Variants in PZP observed in about 807,000 individuals in gnomAD.
PZP encodes the protein pregnancy zone protein.
Under a neutral mutation model 179.8 loss-of-function variants are expected in PZP, and 150 were observed. That is an observed-to-expected ratio of 0.83 (90% CI 0.73 to 0.96). PZP has a LOEUF of 0.96. Ranked by LOEUF, PZP falls within the 40% of genes least tolerant of loss-of-function variation. The pLI is 0.00. For synonymous variants in PZP, 624 were observed against 652.3 expected (o/e 0.96, Z 0.66); for missense variants, 1,689 against 1,764.0 (o/e 0.96, Z 0.76).
chr12:9,166,351 G>A (rs1406866357), intron 17 of PZP, 149 bp from the exon 18 acceptor site: 3 of 715,724 alleles, frequency 4.2e-6, no homozygotes, highest in African/African-American at 3.7e-5. Flanking sequence ...GAAATACTTT[G>A]TGATCCCTCA....
At chr12:9,199,143 A>T (rs1479038279) in intron 7 of PZP, among the ~76,000 whole-genome samples, 2 of 152,080 alleles carry the variant, frequency 1.3e-5, no homozygotes, top group Non-Finnish European at 2.9e-5. Context: ...GTAAGTTCTG[A>T]TAGGGGAGGC....
rs150093837 is a variant in PZP at position 9,187,693 on chromosome 12, G to A, written c.1546+4500C>T. ...ACACAGCTAAGGCGGTGTTAAGAGG[G>A]AAACTTATAGCACTAAACATCCACA... is the stretch of plus-strand genomic sequence containing the variant. On this transcript the variant is annotated intron_variant, in intron 13 of 35. Coordinates refer to ENST00000261336, the MANE Select transcript of PZP (RefSeq NM_002864.3). Among the ~76,000 whole-genome samples, 465 of 152,306 alleles carry A rather than the reference G, an allele frequency of 3.1e-3. 3 individuals carry two copies. Among genetic ancestry groups the A allele is most frequent in the African/African-American group, 0.011 (446 of 41,550 alleles).
chr12:9,204,768 T>A (rs919470467), intron 1 of PZP, among the ~76,000 whole-genome samples: 1 of 152,052 alleles, frequency 6.6e-6, no homozygotes, highest in Non-Finnish European at 1.5e-5. Context: ...TCGAATCACA[T>A]GGGTGGATAG....
chr12:9,165,248 C>T lies in PZP; in HGVS notation c.2378G>A (p.Arg793Gln), dbSNP rs149546006. 17 of 1,614,136 alleles carry T rather than the reference C, an allele frequency of 1.1e-5. No homozygotes were observed. The highest frequency in any genetic ancestry group is 8.0e-5 in the African/African-American group (6 of 75,026). The change falls in exon 19 of 36, where the codon CGA (arginine) becomes CAA (glutamine). Residue 793 changes from arginine to glutamine, a missense_variant. Arg to Gln is a conservative substitution (Grantham distance 43, BLOSUM62 1). Coordinates refer to ENST00000261336, the MANE Select transcript of PZP (RefSeq NM_002864.3). ...CTCCACAAAGAAGGGCTGGAAGGCT[C>T]GGAGAGAGGCAGTGGAAGAGATACC... The part of the protein sequence containing the change: ...GLGISSTASL[R>Q]AFQPFFVELT...
chr12:9,200,148 C>A (rs1034588901), intron 7 of PZP, among the ~76,000 whole-genome samples: 2 of 152,068 alleles, frequency 1.3e-5, no homozygotes, highest in Non-Finnish European at 2.9e-5. Context: ...TATGATGAAA[C>A]AATACGGAAA....
chr12:9,161,062 T>A lies in PZP; in HGVS notation c.2843A>T (p.Glu948Val). 6.2e-7 allele frequency: 1 copy of A among 1,603,238 alleles called. No homozygotes were observed. The highest frequency in any genetic ancestry group is 1.3e-5 in the African/African-American group (1 of 74,732). The part of the protein sequence containing the change: ...SLKLPSNVVK[E>V]SARASFSVLG... ...AACTGAGAAAGAAGCTCTGGCAGATTCTTTGACCACATTTGATGGGAGCTT... is the reference window on the plus strand; with the variant it reads ...AACTGAGAAAGAAGCTCTGGCAGATACTTTGACCACATTTGATGGGAGCTT... Residue 948 changes from glutamate (E) to valine (V), a missense_variant, in exon 23 of 36, where the codon GAA (glutamate) becomes GTA (valine). Coordinates refer to ENST00000261336, the MANE Select transcript of PZP (RefSeq NM_002864.3).
chr12:9,202,946 G>T (rs952164909), intron 2 of PZP, among the ~76,000 whole-genome samples: 1 of 152,150 alleles, frequency 6.6e-6, no homozygotes, highest in Non-Finnish European at 1.5e-5. Flanking sequence ...AACTGAGTAT[G>T]TATATTCTGA....
downstream of PZP, among the ~76,000 whole-genome samples, chr12:9,146,932 G>A (rs868842525): frequency 3.4e-5 from 5 of 149,076 alleles, no homozygotes; most frequent in East Asian, 3.9e-4. Context: ...TTTCCCAGGC[G>A]GAAGTTGAGA....
the PZP span, among the ~76,000 whole-genome samples, chr12:9,140,370 G>C: frequency 6.6e-6 from 1 of 152,118 alleles, no homozygotes; most frequent in East Asian, 1.9e-4. Flanking sequence ...CTTTCTTTAA[G>C]TTATTTAGCA....
chr12:9,140,622 A>G, the PZP span, among the ~76,000 whole-genome samples: 5 of 152,222 alleles, frequency 3.3e-5, no homozygotes, highest in Admixed American at 2.0e-4. Context: ...ATTTTGTTCC[A>G]TAGAAGGAAT....
In PZP at chr12:9,200,901, C is replaced by G. The variant is rs1477527429; in HGVS notation, c.661G>C (p.Glu221Gln). Reference sequence around the variant, plus strand: ...CTTCCATAATCCATACCAAATTCCTCCACGGTGAAGGGGTGCTGTATCCTT... The same window carrying G: ...CTTCCATAATCCATACCAAATTCCTGCACGGTGAAGGGGTGCTGTATCCTT... ...GGRIQHPFTV[E>Q]EFVLPKFEVK... The change falls in exon 6 of 36, where the codon GAG becomes CAG. Residue 221 changes from glutamate to glutamine, a missense_variant. By Grantham distance (29) the Glu-to-Gln change is conservative. Coordinates refer to ENST00000261336, the MANE Select transcript of PZP (RefSeq NM_002864.3). 3 of 1,611,764 alleles carry G rather than the reference C, an allele frequency of 1.9e-6. No homozygotes were observed. The highest frequency in any genetic ancestry group is 2.5e-6 in the Non-Finnish European group (3 of 1,179,308).
chr12:9,136,503 A>G, the PZP span, among the ~76,000 whole-genome samples: 1 of 152,168 alleles, frequency 6.6e-6, no homozygotes, highest in Non-Finnish European at 1.5e-5. Context: ...AAAAAAGGCA[A>G]TATTCCATTG....
At chr12:9,185,919 T>C (rs768130183) in intron 13 of PZP, among the ~76,000 whole-genome samples, 1 of 151,802 alleles carries the variant, frequency 6.6e-6, no homozygotes, top group South Asian at 2.1e-4. Context: ...ACAGTTCTCC[T>C]GCCTCAGCCT....
At chr12:9,202,877 A>G (rs1944245582) in intron 2 of PZP, among the ~76,000 whole-genome samples, 193 bp from the exon 3 acceptor site, 1 of 152,198 alleles carries the variant, frequency 6.6e-6, no homozygotes, top group Non-Finnish European at 1.5e-5. Flanking sequence ...GGCCATCAAT[A>G]GAACCCAGAT....
intron 1 of PZP, among the ~76,000 whole-genome samples, chr12:9,207,223 C>T (rs1391385047): frequency 6.6e-6 from 1 of 152,144 alleles, no homozygotes; most frequent in Non-Finnish European, 1.5e-5. Flanking sequence ...TGAAGACTTC[C>T]CTGTATCAGT....
chr12:9,181,001 A>G lies in PZP; in HGVS notation c.1821T>C (p.Ala607=). ...AACTCACTGAGGACACAGAGAGCTCAGCCTCAGGCTTCATGAGCAGCACAC... is the reference window on the plus strand; with the variant it reads ...AACTCACTGAGGACACAGAGAGCTCGGCCTCAGGCTTCATGAGCAGCACAC... ...DQSVLLMKPE[A]ELSVSSVYNL... is the part of the protein sequence containing the mutation. Residue 607 remains alanine, a synonymous_variant, in exon 15 of 36, where the codon GCT becomes GCC. Coordinates refer to ENST00000261336, the MANE Select transcript of PZP (RefSeq NM_002864.3). 6.2e-7 allele frequency: 1 copy of G among 1,613,686 alleles called. No individual in the cohort carries two copies. The highest frequency in any genetic ancestry group is 1.1e-5 in the South Asian group (1 of 90,982).
intron 18 of PZP, 109 bp from the exon 19 acceptor site, chr12:9,165,476 G>C: frequency 8.2e-7 from 1 of 1,223,698 alleles, no homozygotes; most frequent in Non-Finnish European, 1.2e-6. Context: ...CCACTTAAGG[G>C]TATATGCGAG....
chr12:9,138,281 T>A, the PZP span, among the ~76,000 whole-genome samples: 1 of 151,808 alleles, frequency 6.6e-6, no homozygotes, highest in South Asian at 2.1e-4. Context: ...ATTATGTGAT[T>A]TTTTTTCCCT....
chr12:9,205,769 C>A (rs190885919), intron 1 of PZP, among the ~76,000 whole-genome samples: 17 of 152,250 alleles, frequency 1.1e-4, no homozygotes, highest in African/African-American at 3.9e-4. Flanking sequence ...GTTTTCTGGA[C>A]AGGCAATTTG....
Sources: allele counts gnomAD v4.1 joint callset (sites outside exome capture counted in the v4.1 genomes callset), GRCh38; gene constraint gnomAD v4.1.1; transcripts MANE v1.5; gene names NCBI Gene and HGNC (gene_info 2026-07-23, HGNC 2026-07-21).